The following IQANK1 variants were observed in gnomAD, a reference collection of about 807,000 sequenced individuals.
IQANK1 encodes the protein IQ motif and ankyrin repeat containing 1.
Under a neutral mutation model 22.6 loss-of-function variants are expected in IQANK1, and 30 were observed. That is an observed-to-expected ratio of 1.33 (90% CI 0.99 to 1.80). The LOEUF (loss-of-function observed/expected upper bound fraction) is 1.80, where lower values mean the gene tolerates loss of function less well. Ranked by LOEUF, IQANK1 falls within the 40% of genes most tolerant of loss-of-function variation. IQANK1 has a pLI of 0.00. For synonymous variants in IQANK1, 122 were observed against 99.6 expected, an observed-to-expected ratio of 1.23 and a Z score of -1.34; for missense variants, 275 against 235.2, an observed-to-expected ratio of 1.17 and a Z score of -1.11.
chr8:143,737,238 C>T (rs1446484387), intron 2 of IQANK1, among the ~76,000 whole-genome samples: 1 of 152,226 alleles, frequency 6.6e-6, no homozygotes, highest in Non-Finnish European at 1.5e-5. Context: ...GCAAGGCAGC[C>T]AGGAAACTGG....
At chr8:143,778,909 G>A (rs1182229507) in intron 7 of IQANK1, among the ~76,000 whole-genome samples, 1 of 152,092 alleles carries the variant, frequency 6.6e-6, no homozygotes, top group Non-Finnish European at 1.5e-5. Flanking sequence ...CTACAGGCAT[G>A]CGCCACCACG....
chr8:143,786,248 A>G (rs531341409), intron 7 of IQANK1, among the ~76,000 whole-genome samples: 2 of 152,330 alleles, frequency 1.3e-5, no homozygotes, highest in Non-Finnish European at 2.9e-5. Context: ...AGGTTTTGCC[A>G]TGTATTGGGG....
chr8:143,789,669 TTGGGG>T, intron 10 of IQANK1, 87 bp from the exon 11 acceptor site: 4 of 1,209,364 alleles, frequency 3.3e-6, no homozygotes, highest in Non-Finnish European at 4.1e-6. Context: ...AGTGGCCTGC[TTGGGG>T]TGGGGTGGGG....
At chr8:143,777,560 C>G (rs1366598557) in intron 7 of IQANK1, among the ~76,000 whole-genome samples, 7 of 149,998 alleles carry the variant, frequency 4.7e-5, no homozygotes, top group South Asian at 2.1e-4. Flanking sequence ...AAAAAAAATC[C>G]CAAAATATAC....
chr8:143,788,530 G>GACCA (rs1819937915), intron 7 of IQANK1, among the ~76,000 whole-genome samples: 1 of 152,206 alleles, frequency 6.6e-6, no homozygotes, highest in Non-Finnish European at 1.5e-5. Context: ...ACATCCTGCG[G>GACCA]GCCAGCCTCC....
At chr8:143,743,041 G>T in intron 3 of IQANK1, 1 of 455,998 alleles carries the variant, frequency 2.2e-6, no homozygotes, top group South Asian at 1.5e-5. Flanking sequence ...AGATGGGGGG[G>T]CCCTGTGCCT....
chr8:143,762,232 C>T (rs1418034062), intron 3 of IQANK1, among the ~76,000 whole-genome samples: 4 of 151,750 alleles, frequency 2.6e-5, no homozygotes, highest in Non-Finnish European at 4.4e-5. Context: ...TCGCTTGAAC[C>T]CAGAAGGCAG....
In IQANK1 at chr8:143,788,203, C is replaced by T. The variant is rs957574974; in HGVS notation, c.790-712C>T. ...ATTCACACACGGAGCCACCCACGAACAGCTTCCTGGTCAAGCGTGATGCCG... is the reference window on the plus strand; with the variant it reads ...ATTCACACACGGAGCCACCCACGAATAGCTTCCTGGTCAAGCGTGATGCCG... On this transcript the variant is annotated intron_variant, in intron 7 of 13. Coordinates refer to ENST00000527139, the MANE Select transcript of IQANK1 (RefSeq NM_001381874.1). Among the ~76,000 whole-genome samples the T allele has an allele frequency of 2.0e-5, 3 of 152,272 alleles. No homozygotes were observed. The East Asian group carries it at 5.8e-4, about 29-fold the overall frequency.
At chr8:143,762,779 CTGACAA>C (rs1270147242) in intron 3 of IQANK1, among the ~76,000 whole-genome samples, 5 of 152,172 alleles carry the variant, frequency 3.3e-5, no homozygotes, top group African/African-American at 1.2e-4. Context: ...TCTGATTAAG[CTGACAA>C]TGACCTAGGC....
intron 7 of IQANK1, among the ~76,000 whole-genome samples, chr8:143,772,929 C>T (rs1554629941): frequency 6.6e-6 from 1 of 152,192 alleles, no homozygotes; most frequent in African/African-American, 2.4e-5. Context: ...ACTGTCAGTA[C>T]GTCGGTTTTC....
chr8:143,749,018 T>C (rs1819121002), intron 3 of IQANK1, among the ~76,000 whole-genome samples: 1 of 120,492 alleles, frequency 8.3e-6, no homozygotes. Context: ...ATATCATATA[T>C]AAAATATAAA....
At chr8:143,738,776 T>G (rs1233131451) in intron 2 of IQANK1, among the ~76,000 whole-genome samples, 1 of 152,118 alleles carries the variant, frequency 6.6e-6, no homozygotes. Flanking sequence ...GGCCAGGAGC[T>G]GCATCCTGGT....
intron 3 of IQANK1, among the ~76,000 whole-genome samples, chr8:143,748,940 T>C (rs1450846196): frequency 9.0e-5 from 10 of 110,892 alleles, no homozygotes; most frequent in South Asian, 2.7e-4. Flanking sequence ...TAAAAATATA[T>C]ACATATATCT....
chr8:143,752,219 G>GC (rs1819211050), intron 3 of IQANK1, among the ~76,000 whole-genome samples: 1 of 152,090 alleles, frequency 6.6e-6, no homozygotes, highest in Non-Finnish European at 1.5e-5. Flanking sequence ...GCCCACCTTG[G>GC]CCCCCCAAAG....
chr8:143,781,458 T>C (rs1434809649), intron 7 of IQANK1, among the ~76,000 whole-genome samples: 7 of 152,232 alleles, frequency 4.6e-5, no homozygotes, highest in Non-Finnish European at 1.0e-4. Context: ...GTTTTGAGTT[T>C]TACATTTAAG....
At chr8:143,773,335 A>G (rs1192824371) in intron 7 of IQANK1, among the ~76,000 whole-genome samples, 2 of 151,542 alleles carry the variant, frequency 1.3e-5, no homozygotes, top group Non-Finnish European at 2.9e-5. Context: ...ACACAAAAAA[A>G]ACAGAGTCTG....
chr8:143,790,328 C>T, intron 13 of IQANK1, 22 bp from the exon 14 acceptor site: 1 of 1,219,558 alleles, frequency 8.2e-7, no homozygotes, highest in Non-Finnish European at 1.0e-6. Flanking sequence ...CCCACCCTGG[C>T]CTCACCAGCC....
intron 3 of IQANK1, among the ~76,000 whole-genome samples, chr8:143,767,947 A>T (rs1360099917): frequency 7.9e-6 from 1 of 127,074 alleles, no homozygotes; most frequent in African/African-American, 3.1e-5. Flanking sequence ...GCAGTGGCTC[A>T]ATCTTGGCTC....
At chr8:143,769,034 T>C (rs886701278) in intron 3 of IQANK1, among the ~76,000 whole-genome samples, 1 of 152,052 alleles carries the variant, frequency 6.6e-6, no homozygotes, top group Admixed American at 6.6e-5. Flanking sequence ...GAATTTCTCA[T>C]ATATACATAT....
Sources: gnomAD v4.1 joint callset for allele counts (sites outside exome capture counted in the v4.1 genomes callset) on GRCh38, gnomAD v4.1.1 for gene constraint, MANE v1.5 for transcripts, NCBI Gene and HGNC (gene_info 2026-07-23, HGNC 2026-07-21) for gene names.